The following PDE9A variants were observed in gnomAD, a reference collection of about 807,000 sequenced individuals.
PDE9A encodes the protein phosphodiesterase 9A.
Under a neutral mutation model 87.4 loss-of-function variants are expected in PDE9A, and 60 were observed. The ratio of observed to expected loss-of-function variants is 0.69; its 90% CI spans 0.56 to 0.85. The LOEUF (loss-of-function observed/expected upper bound fraction) is 0.85. Among genes scored for constraint, PDE9A ranks in the 40% least tolerant of loss-of-function variants. The pLI, the probability that PDE9A is intolerant of heterozygous loss-of-function variation, is 0.00. For synonymous variants in PDE9A, 272 were observed against 279.4 expected (o/e 0.97, Z 0.27); for missense variants, 665 against 779.0 (o/e 0.85, Z 1.74).
chr21:42,723,114 C>A lies in PDE9A; in HGVS notation c.263-8656C>A, dbSNP rs931710512. On this transcript the variant is annotated intron_variant, in intron 4 of 19. Transcript: ENST00000291539. This position sits in a 1 kb window ranked among gnomAD's most constrained non-coding sequence, Gnocchi z 4.3. ...GCGTCCTGCCCAGGAATGAGGCTGG[C>A]AGCCCATAGGCCCCTCCTTGGTCCC... 1.3e-5 allele frequency among the ~76,000 whole-genome samples: 2 copies of A among 152,238 alleles called. No homozygotes were observed. The highest frequency in any genetic ancestry group is 4.8e-5 in the African/African-American group (2 of 41,472).
At chr21:42,697,250 G>A (rs2060192107) in intron 3 of PDE9A, among the ~76,000 whole-genome samples, 1 of 151,958 alleles carries the variant, frequency 6.6e-6, no homozygotes, top group African/African-American at 2.4e-5. Flanking sequence ...AGTGCAGGGA[G>A]GTCAGTGCCA....
intron 4 of PDE9A, among the ~76,000 whole-genome samples, chr21:42,699,940 T>A (rs2048254190): frequency 6.6e-6 from 1 of 152,186 alleles, no homozygotes; most frequent in East Asian, 1.9e-4. Flanking sequence ...AAGTGCCTAT[T>A]TTGATGACTT....
intron 4 of PDE9A, among the ~76,000 whole-genome samples, chr21:42,711,001 A>G (rs1005413584): frequency 1.3e-5 from 2 of 152,232 alleles, no homozygotes; most frequent in African/African-American, 4.8e-5. Context: ...AAAAATATGT[A>G]AAAAGGATTT....
rs2057329974 is a variant in PDE9A, at chr21:42,659,530, G to C, written c.69+5647G>C. On this transcript the variant is annotated intron_variant, in intron 1 of 19. Transcript: ENST00000291539. This position sits in a 1 kb window ranked among gnomAD's most constrained non-coding sequence, Gnocchi z 4.1. The stretch of plus-strand genomic sequence containing the variant: ...GGGTGAAGTTTCCAGAGCAGGGCAG[G>C]GCATGTGGGGAGGCTCAGGAATGCC... Among the ~76,000 whole-genome samples the C allele has an allele frequency of 6.6e-6, 1 of 152,228 alleles. No individual in the cohort carries two copies. The highest frequency in any genetic ancestry group is 1.5e-5 in the Non-Finnish European group (1 of 68,040).
intron 17 of PDE9A, among the ~76,000 whole-genome samples, chr21:42,769,727 C>T (rs946230132): frequency 8.3e-5 from 12 of 144,210 alleles, no homozygotes; most frequent in African/African-American, 2.5e-4. Flanking sequence ...CAGGCACACA[C>T]GTACAGAGGC....
intron 1 of PDE9A, among the ~76,000 whole-genome samples, chr21:42,658,392 T>C (rs1384812121): frequency 1.3e-5 from 2 of 152,228 alleles, no homozygotes; most frequent in Non-Finnish European, 2.9e-5. Context: ...GGCACAAGCA[T>C]GAGCTGCTGT....
chr21:42,697,191 G>A (rs773659471), intron 3 of PDE9A, among the ~76,000 whole-genome samples: 4 of 152,092 alleles, frequency 2.6e-5, no homozygotes, highest in African/African-American at 4.8e-5. Flanking sequence ...CACAGTGCCC[G>A]GCTCTCCCGA....
intron 3 of PDE9A, among the ~76,000 whole-genome samples, chr21:42,693,406 C>T (rs1402980670): frequency 6.6e-6 from 1 of 150,790 alleles, no homozygotes; most frequent in Non-Finnish European, 1.5e-5. Flanking sequence ...TCACGCCATT[C>T]TCCTGCCTCA....
intron 3 of PDE9A, among the ~76,000 whole-genome samples, chr21:42,697,103 G>T (rs1415170345): frequency 6.6e-6 from 1 of 151,924 alleles, no homozygotes; most frequent in East Asian, 1.9e-4. Context: ...TGTGAGTGAG[G>T]TCATTCATAG....
At chr21:42,699,034 T>G (rs1398482441) in intron 4 of PDE9A, 23 bp downstream of exon 4, 13 of 1,565,684 alleles carry the variant, frequency 8.3e-6, no homozygotes, top group Non-Finnish European at 1.1e-5. Flanking sequence ...TGTCGTTTTT[T>G]AAACTAAAAG....
chr21:42,688,552 A>G (rs992080674), intron 3 of PDE9A, among the ~76,000 whole-genome samples: 1 of 152,206 alleles, frequency 6.6e-6, no homozygotes, highest in Non-Finnish European at 1.5e-5. Context: ...GACGCGGAGC[A>G]GGGGCCCTCA....
rs1602108505 is a variant in PDE9A, at chr21:42,695,874, A to T, written c.219-3094A>T. Among the ~76,000 whole-genome samples, 3 of 152,250 alleles carry T rather than the reference A, an allele frequency of 2.0e-5. No individual in the cohort carries two copies. The highest frequency in any genetic ancestry group is 4.4e-5 in the Non-Finnish European group (3 of 68,040). ...GAGTTGACTCATTCATGGGAGCAACATAACGGGTTGTGAGAAGCCAAAGGA... is the reference window on the plus strand; with the variant it reads ...GAGTTGACTCATTCATGGGAGCAACTTAACGGGTTGTGAGAAGCCAAAGGA... On this transcript the variant is annotated intron_variant, in intron 3 of 19. Coordinates refer to ENST00000291539, the MANE Select transcript of PDE9A (RefSeq NM_002606.3). The surrounding 1 kb of genome is among the most constrained non-coding windows in gnomAD (Gnocchi z 4.3).
At chr21:42,731,523 T>G (rs557274687) in intron 4 of PDE9A, among the ~76,000 whole-genome samples, 1 of 152,248 alleles carries the variant, frequency 6.6e-6, no homozygotes, top group African/African-American at 2.4e-5. Context: ...CAGGTTCCAT[T>G]GAGCCTGGGA....
chr21:42,757,033 GTCCT>G (rs2055144150), intron 10 of PDE9A: 1 of 152,370 alleles, frequency 6.6e-6, no homozygotes, highest in Non-Finnish European at 1.5e-5. Context: ...AGCCCCTATG[GTCCT>G]GAGGGCTGGC....
At chr21:42,730,352 G>A (rs958704525) in intron 4 of PDE9A, among the ~76,000 whole-genome samples, 24 of 152,146 alleles carry the variant, frequency 1.6e-4, no homozygotes, top group Admixed American at 9.8e-4. Flanking sequence ...TAAAGGCAGC[G>A]GGAATCTAGG....
intron 4 of PDE9A, among the ~76,000 whole-genome samples, chr21:42,729,368 G>C (rs993885308): frequency 1.3e-5 from 2 of 152,122 alleles, no homozygotes; most frequent in Non-Finnish European, 2.9e-5. Context: ...TTGACAGTCT[G>C]TGTCTTCCCT....
intron 19 of PDE9A, among the ~76,000 whole-genome samples, chr21:42,773,961 C>T (rs566681187): frequency 6.6e-5 from 10 of 151,680 alleles, no homozygotes; most frequent in South Asian, 6.2e-4. Flanking sequence ...AAAAATTAGC[C>T]GGGCGTGGTG....
chr21:42,760,773 C>T lies in PDE9A; in HGVS notation c.1003-52C>T, dbSNP rs1482906139. ...CCAATTCCACCCCCCCTCACCCCAT[C>T]CCACCCTCCGAGTGAAGAGAGCAAA... On this transcript the variant is annotated intron_variant, in intron 12 of 19. Coordinates refer to ENST00000291539, the MANE Select transcript of PDE9A (RefSeq NM_002606.3). The surrounding 1 kb of genome is among the most constrained non-coding windows in gnomAD (Gnocchi z 5.2). The T allele has an allele frequency of 4.1e-6, 4 of 971,282 alleles. No homozygotes were observed. Among genetic ancestry groups the T allele is most frequent in the Non-Finnish European group, 5.0e-6 (3 of 598,424 alleles). 60.2% of individuals were successfully genotyped at this position (971,282 alleles called of 1,614,324 possible). A position where few individuals can be genotyped will look rare whatever the true frequency, so the allele number is the denominator to read the frequency against.
At chr21:42,733,695 G>A (rs1004471340) in intron 7 of PDE9A, 16 of 472,612 alleles carry the variant, frequency 3.4e-5, no homozygotes, top group African/African-American at 1.9e-4. Flanking sequence ...GAAGCCTTCC[G>A]CACTTAGCCC....
Sources: gnomAD v4.1 joint callset for allele counts (sites outside exome capture counted in the v4.1 genomes callset) on GRCh38, gnomAD v4.1.1 for gene constraint, Gnocchi (gnomAD v3.1) non-coding constraint, MANE v1.5 for transcripts, NCBI Gene and HGNC (gene_info 2026-07-23, HGNC 2026-07-21) for gene names.